Variants in CDH13 observed in about 807,000 individuals in gnomAD.
CDH13 encodes cadherin-13.
In CDH13, 24 loss-of-function variants were observed where a neutral mutation model predicts 63.8. The observed-to-expected ratio is 0.38, with a 90% confidence interval of 0.27 to 0.53. The LOEUF is 0.53. Among genes scored for constraint, CDH13 ranks in the 20% least tolerant of loss-of-function variants. CDH13 has a pLI of 0.85. For missense variants in CDH13, 1,049 were observed against 903.1 expected (o/e 1.16, Z -2.07); for synonymous variants, 503 against 355.3 (o/e 1.42, Z -4.67).
At chr16:83,281,899 C>A (rs546772091) in intron 5 of CDH13, among the ~76,000 whole-genome samples, 1 of 152,058 alleles carries the variant, frequency 6.6e-6, no homozygotes, top group Admixed American at 6.6e-5. Flanking sequence ...GGCAACAGAG[C>A]GGGACTCCGT....
chr16:83,578,663 G>C (rs1052273692), intron 7 of CDH13, among the ~76,000 whole-genome samples: 1 of 152,168 alleles, frequency 6.6e-6, no homozygotes, highest in Non-Finnish European at 1.5e-5. Context: ...CAGTGCCCTT[G>C]CTGTCAAGGA....
At chr16:83,596,033 T>G (rs1331755900) in intron 7 of CDH13, among the ~76,000 whole-genome samples, 1 of 152,226 alleles carries the variant, frequency 6.6e-6, no homozygotes, top group African/African-American at 2.4e-5. Context: ...AAAAGCTGTT[T>G]GGAGTTGCAG....
chr16:83,231,749 C>T (rs1023336205), intron 5 of CDH13, among the ~76,000 whole-genome samples: 4 of 152,120 alleles, frequency 2.6e-5, no homozygotes, highest in South Asian at 2.1e-4. Flanking sequence ...CTGCCAACCC[C>T]GGACTAGATG....
At chr16:83,423,228 C>T (rs2071769496) in intron 6 of CDH13, among the ~76,000 whole-genome samples, 1 of 152,168 alleles carries the variant, frequency 6.6e-6, no homozygotes, top group Non-Finnish European at 1.5e-5. Flanking sequence ...TCAGTAGCCT[C>T]TAAAGTATTT....
chr16:83,530,467 T>G (rs1368837689), intron 7 of CDH13, among the ~76,000 whole-genome samples: 1 of 152,202 alleles, frequency 6.6e-6, no homozygotes, highest in Non-Finnish European at 1.5e-5. Context: ...TTGAGCACTG[T>G]TTCCTGAGAG....
At position 83,551,336 on chromosome 16, in the gene CDH13, G is replaced by T. The variant is rs201095855; in HGVS notation, c.961-51118G>T. On this transcript the variant is annotated intron_variant, in intron 7 of 13. Coordinates refer to ENST00000567109, the MANE Select transcript of CDH13 (RefSeq NM_001257.5). Reference sequence around the variant, plus strand: ...CCTGCCTCGGCCTCCCATAGTGCTGGGATTACAGGCATGAGTCACCGCCCC... The same window carrying T: ...CCTGCCTCGGCCTCCCATAGTGCTGTGATTACAGGCATGAGTCACCGCCCC... 2.0e-5 allele frequency among the ~76,000 whole-genome samples: 3 copies of T among 150,186 alleles called. No individual in the cohort carries two copies. The East Asian group carries it at 5.9e-4, about 29-fold the overall frequency.
chr16:82,953,215 T>C (rs1417030795), intron 2 of CDH13: 2 of 152,174 alleles, frequency 1.3e-5, no homozygotes, highest in African/African-American at 4.8e-5. Flanking sequence ...AAGGTCAAGA[T>C]AAAAAATACA....
intron 1 of CDH13, among the ~76,000 whole-genome samples, chr16:82,714,406 C>T (rs1466121610): frequency 1.3e-5 from 2 of 152,100 alleles, no homozygotes; most frequent in Non-Finnish European, 2.9e-5. Flanking sequence ...TCTACTGTTA[C>T]TGATGTCCCT....
At chr16:82,868,481 C>G (rs780741835) in intron 2 of CDH13, among the ~76,000 whole-genome samples, 2 of 152,130 alleles carry the variant, frequency 1.3e-5, no homozygotes, top group African/African-American at 4.8e-5. Context: ...ACATCAAAGA[C>G]AGATGTAACA....
intron 6 of CDH13, among the ~76,000 whole-genome samples, chr16:83,421,047 C>T (rs1286876138): frequency 1.3e-5 from 2 of 152,128 alleles, no homozygotes; most frequent in Non-Finnish European, 2.9e-5. Context: ...CTCTCCCTGT[C>T]CACAGTAAAA....
chr16:82,918,724 G>T (rs1465388173), intron 2 of CDH13, among the ~76,000 whole-genome samples: 2 of 152,138 alleles, frequency 1.3e-5, no homozygotes, highest in Non-Finnish European at 2.9e-5. Context: ...GGCCAGGCTG[G>T]TCTTGAATTC....
chr16:83,615,999 C>G (rs1384877569), intron 8 of CDH13, among the ~76,000 whole-genome samples: 1 of 152,146 alleles, frequency 6.6e-6, no homozygotes, highest in Non-Finnish European at 1.5e-5. Flanking sequence ...ATCGGAGGCC[C>G]TGGAAACAGC....
intron 5 of CDH13, among the ~76,000 whole-genome samples, chr16:83,266,330 C>T (rs949262680): frequency 1.3e-5 from 2 of 152,166 alleles, no homozygotes; most frequent in Non-Finnish European, 2.9e-5. Flanking sequence ...GACATGAGGC[C>T]AAGACCATAG....
At chr16:83,788,841 G>A (rs16961805) in intron 13 of CDH13, among the ~76,000 whole-genome samples, 19,670 of 152,130 alleles carry the variant, frequency 0.13, 2,116 homozygotes, top group African/African-American at 0.3. Context: ...TATTCCCACA[G>A]TGAAACTCTG....
intron 2 of CDH13, among the ~76,000 whole-genome samples, chr16:82,950,474 C>T (rs2151322278): frequency 6.6e-6 from 1 of 152,158 alleles, no homozygotes; most frequent in East Asian, 1.9e-4. Context: ...CCATACTGTT[C>T]TTGTGGTAGT....
chr16:83,148,112 A>G (rs2036828506), intron 4 of CDH13, among the ~76,000 whole-genome samples: 3 of 152,064 alleles, frequency 2.0e-5, no homozygotes, highest in South Asian at 4.1e-4. Flanking sequence ...TAATTTTTGT[A>G]TTTTTAGTAG....
At chr16:83,064,308 G>A (rs370831038) in intron 3 of CDH13, among the ~76,000 whole-genome samples, 83 of 152,192 alleles carry the variant, frequency 5.5e-4, no homozygotes, top group African/African-American at 1.8e-3. Context: ...GGTGGAGGTC[G>A]CAGTGAGCTG....
At chr16:82,673,010 T>TTTTTTTC (rs766098311) in intron 1 of CDH13, among the ~76,000 whole-genome samples, 7,681 of 134,436 alleles carry the variant, frequency 0.057, 469 homozygotes, top group Middle Eastern at 0.15. Flanking sequence ...TTTTTTTTTT[T>TTTTTTTC]TTTTTTTTTG....
chr16:83,093,606 C>T (rs920075109), intron 3 of CDH13, among the ~76,000 whole-genome samples: 1 of 152,062 alleles, frequency 6.6e-6, no homozygotes, highest in Non-Finnish European at 1.5e-5. Context: ...AGGCATGAAC[C>T]ACTGCTCCCA....
Sources: gnomAD v4.1 joint callset for allele counts (sites outside exome capture counted in the v4.1 genomes callset) on GRCh38, gnomAD v4.1.1 for gene constraint, MANE v1.5 for transcripts, NCBI Gene and HGNC (gene_info 2026-07-23, HGNC 2026-07-21) for gene names.